SARNP: variants seen among roughly 807,000 people sequenced by gnomAD.
SARNP encodes the protein SAP domain-containing ribonucleoprotein.
A neutral mutation model predicts 38.1 loss-of-function variants in SARNP; 5 were observed. The ratio of observed to expected loss-of-function variants is 0.13; its 90% CI spans 0.07 to 0.28. The LOEUF (loss-of-function observed/expected upper bound fraction) is 0.28. Among genes scored for constraint, SARNP ranks in the 10% least tolerant of loss-of-function variants. The pLI, the probability that SARNP is intolerant of heterozygous loss-of-function variation, is 1.00. For missense variants in SARNP, 180 were observed against 243.9 expected (o/e 0.74, Z 1.75); for synonymous variants, 84 against 80.6 (o/e 1.04, Z -0.23).
At chr12:55,792,789 A>G (rs939265542) in intron 7 of SARNP, 2 of 152,048 alleles carry the variant, frequency 1.3e-5, no homozygotes, top group African/African-American at 4.8e-5. Context: ...GGCTTAAGAG[A>G]TACTCCCACC....
chr12:55,808,834 C>T (rs1018251906), intron 1 of SARNP, among the ~76,000 whole-genome samples: 1 of 128,798 alleles, frequency 7.8e-6, no homozygotes, highest in Non-Finnish European at 1.6e-5. Flanking sequence ...TCTTTTTGCA[C>T]GTATTTCAGC....
chr12:55,775,639 G>A (rs1208394843), intron 9 of SARNP, among the ~76,000 whole-genome samples: 2 of 151,770 alleles, frequency 1.3e-5, no homozygotes, highest in Non-Finnish European at 2.9e-5. Flanking sequence ...CTTAACAAGG[G>A]ACTTCATATT....
intron 9 of SARNP, among the ~76,000 whole-genome samples, chr12:55,785,164 C>G (rs1211897638): frequency 6.6e-6 from 1 of 152,132 alleles, no homozygotes; most frequent in Non-Finnish European, 1.5e-5. Flanking sequence ...CAGATAATTT[C>G]AGATGCACTA....
chr12:55,769,964 G>A (rs1193055348), intron 9 of SARNP, among the ~76,000 whole-genome samples: 1 of 152,162 alleles, frequency 6.6e-6, no homozygotes, highest in South Asian at 2.1e-4. Context: ...CCATTGTAAG[G>A]AGAGGAGTAT....
intron 9 of SARNP, among the ~76,000 whole-genome samples, chr12:55,774,583 AAAAAAAAAAC>A (rs1565673576): frequency 2.7e-5 from 4 of 148,618 alleles, no homozygotes; most frequent in African/African-American, 1.0e-4. Context: ...AACAAACAAA[AAAAAAAAAAC>A]AAAAATTAGC....
chr12:55,786,749 G>A (rs539789387), intron 9 of SARNP, among the ~76,000 whole-genome samples: 3 of 152,118 alleles, frequency 2.0e-5, no homozygotes, highest in Admixed American at 6.6e-5. Flanking sequence ...GTGCCCAGTC[G>A]TGACCTTTGG....
Position 55,803,646 on chromosome 12 carries a change from G to T in SARNP, c.119C>A (p.Ala40Glu). 1.2e-6 allele frequency: 2 copies of T among 1,610,914 alleles called. No individual in the cohort carries two copies. The highest frequency in any genetic ancestry group is 1.7e-6 in the Non-Finnish European group (2 of 1,177,520). Reference protein sequence around the residue: ...IKQDLIHRLQAYLEEHAEEEA... With the variant: ...IKQDLIHRLQEYLEEHAEEEA... ...GTACTCACCATGTTCTTCAAGATAT[G>T]CCTGGAGTCTGTGGATAAGATCTTG... The change falls in exon 2 of 11, where the codon GCA becomes GAA. Residue 40 changes from alanine (A) to glutamate (E), a missense_variant. Physicochemically the swap from Ala to Glu is moderately radical, Grantham distance 107. Coordinates refer to ENST00000336133, the MANE Select transcript of SARNP (RefSeq NM_033082.4).
At chr12:55,778,366 C>CA (rs1879246089) in intron 9 of SARNP, among the ~76,000 whole-genome samples, 1 of 152,064 alleles carries the variant, frequency 6.6e-6, no homozygotes, top group Non-Finnish European at 1.5e-5. Flanking sequence ...AGGCTGGTCT[C>CA]AAACTCCTGA....
At chr12:55,787,886 C>G in intron 9 of SARNP, among the ~76,000 whole-genome samples, 1 of 151,842 alleles carries the variant, frequency 6.6e-6, no homozygotes, top group Non-Finnish European at 1.5e-5. Context: ...GTAGCTGAGA[C>G]TACAGGCACC....
At chr12:55,784,367 G>A (rs12320132) in intron 9 of SARNP, among the ~76,000 whole-genome samples, 17,098 of 152,060 alleles carry the variant, frequency 0.11, 1,845 homozygotes, top group African/African-American at 0.28. Context: ...CCAACCAAAC[G>A]CTACGTAGCA....
intron 3 of SARNP, 81 bp downstream of exon 3, chr12:55,800,773 T>A (rs1879957091): frequency 1.5e-6 from 2 of 1,338,166 alleles, no homozygotes; most frequent in Admixed American, 3.4e-5. Context: ...TACATCTAAG[T>A]CCTCCAATGA....
downstream of SARNP, chr12:55,754,976 T>C (rs904053455): frequency 1.1e-4 from 17 of 152,144 alleles, no homozygotes; most frequent in African/African-American, 3.4e-4. Context: ...ACAAGAAAGT[T>C]AGGGACACCT....
At chr12:55,760,192 T>C (rs1377784932) in intron 10 of SARNP, among the ~76,000 whole-genome samples, 3 of 152,148 alleles carry the variant, frequency 2.0e-5, no homozygotes, top group Non-Finnish European at 2.9e-5. Flanking sequence ...AGCAAAATAT[T>C]TGGACACTTA....
At chr12:55,772,344 G>C (rs1879031856) in intron 9 of SARNP, among the ~76,000 whole-genome samples, 1 of 152,118 alleles carries the variant, frequency 6.6e-6, no homozygotes, top group Admixed American at 6.5e-5. Flanking sequence ...ACGACAATTA[G>C]AGAACACCAG....
chr12:55,779,283 TG>T (rs1011626844), intron 9 of SARNP, among the ~76,000 whole-genome samples: 1 of 152,188 alleles, frequency 6.6e-6, no homozygotes, highest in Non-Finnish European at 1.5e-5. Flanking sequence ...CAAAAGCTCT[TG>T]ATCAGTGAGG....
chr12:55,781,458 C>T (rs1425457686), intron 9 of SARNP, among the ~76,000 whole-genome samples: 3 of 150,684 alleles, frequency 2.0e-5, no homozygotes, highest in South Asian at 2.1e-4. Flanking sequence ...TGCTTAAAAC[C>T]GGAAGGCAGA....
intron 1 of SARNP, among the ~76,000 whole-genome samples, chr12:55,815,235 T>C (rs1035540102): frequency 2.0e-5 from 3 of 152,138 alleles, no homozygotes; most frequent in African/African-American, 7.2e-5. Flanking sequence ...TTTTTTAATT[T>C]TTTTTGTAGA....
In SARNP at chr12:55,800,612, G is replaced by A. The variant is rs1292346208; in HGVS notation, c.201C>T (p.Pro67=). ...GDETEEEETK[P]IELPVKEEEP... ...CTTCCTCTTTGACAGGGAGCTCAAT[G>A]GGCTTTGTTTCTTCTTCCTAAAACC... The change falls in exon 4 of 11, where the codon CCC becomes CCT. Residue 67 remains proline, a synonymous_variant. Transcript: ENST00000336133. 6.2e-7 allele frequency: 1 copy of A among 1,611,688 alleles called. No homozygotes were observed.
At chr12:55,765,077 G>T (rs1371990038) in intron 9 of SARNP, among the ~76,000 whole-genome samples, 1 of 152,110 alleles carries the variant, frequency 6.6e-6, no homozygotes, top group Admixed American at 6.5e-5. Flanking sequence ...CTCTTCTTGC[G>T]GAGAGGCAAG....
Sources: gnomAD v4.1 joint callset for allele counts (sites outside exome capture counted in the v4.1 genomes callset) on GRCh38, gnomAD v4.1.1 for gene constraint, MANE v1.5 for transcripts, NCBI Gene and HGNC (gene_info 2026-07-23, HGNC 2026-07-21) for gene names.